Variants in RSU1 observed in about 807,000 individuals in gnomAD.
RSU1 encodes the protein rsu-1.
A neutral mutation model predicts 31.1 loss-of-function variants in RSU1; 26 were observed. The observed-to-expected ratio is 0.84, with a 90% CI of 0.61 to 1.16. The LOEUF (loss-of-function observed/expected upper bound fraction) is 1.16, where lower values mean the gene tolerates loss of function less well. Ranked by LOEUF, RSU1 falls within the 50% of genes most tolerant of loss-of-function variation. The probability of loss-of-function intolerance (pLI) is 0.00; values close to 1 mark genes in which losing one functional copy is unlikely to be tolerated. For missense variants in RSU1, 320 were observed against 339.1 expected (o/e 0.94, Z 0.44); for synonymous variants, 164 against 136.3 (o/e 1.20, Z -1.41).
chr10:16,760,544 G>A (rs942034118), intron 4 of RSU1, among the ~76,000 whole-genome samples: 5 of 150,486 alleles, frequency 3.3e-5, no homozygotes, highest in African/African-American at 7.3e-5. Context: ...AAAAGTGTAC[G>A]ACTCTGTCCT....
chr10:16,808,485 G>GAAAAAAAAAAAAAAAAAA, intron 2 of RSU1, among the ~76,000 whole-genome samples: 1 of 89,616 alleles, frequency 1.1e-5, no homozygotes, highest in Non-Finnish European at 2.3e-5. Context: ...CTCCATTTAA[G>GAAAAAAAAAAAAAAAAAA]AAAAAAAAAA....
chr10:16,696,367 G>C (rs1212271255), intron 7 of RSU1, among the ~76,000 whole-genome samples: 1 of 152,170 alleles, frequency 6.6e-6, no homozygotes, highest in East Asian at 1.9e-4. Context: ...CTTTGGAAAT[G>C]AAAGGATAAA....
At chr10:16,794,664 C>A (rs192303057) in intron 2 of RSU1, among the ~76,000 whole-genome samples, 1 of 152,188 alleles carries the variant, frequency 6.6e-6, no homozygotes, top group Non-Finnish European at 1.5e-5. Context: ...CACGGGCCAG[C>A]AGAATCAGAA....
chr10:16,747,315 C>T (rs1182427561), intron 7 of RSU1, among the ~76,000 whole-genome samples: 1 of 152,178 alleles, frequency 6.6e-6, no homozygotes, highest in African/African-American at 2.4e-5. Flanking sequence ...GCAGCCTAGA[C>T]GTCTCTTCTG....
At chr10:16,716,901 T>A (rs1836153185) in intron 7 of RSU1, among the ~76,000 whole-genome samples, 1 of 152,178 alleles carries the variant, frequency 6.6e-6, no homozygotes, top group Non-Finnish European at 1.5e-5. Context: ...AATCTTAATA[T>A]TCATCTTAAG....
At chr10:16,640,293 AATC>A (rs1834418367) in intron 8 of RSU1, among the ~76,000 whole-genome samples, 1 of 151,928 alleles carries the variant, frequency 6.6e-6, no homozygotes, top group Non-Finnish European at 1.5e-5. Context: ...CCTCTTATCT[AATC>A]ATCACTTAGG....
At chr10:16,744,002 T>C (rs1404943459) in intron 7 of RSU1, among the ~76,000 whole-genome samples, 1 of 151,838 alleles carries the variant, frequency 6.6e-6, no homozygotes, top group Non-Finnish European at 1.5e-5. Flanking sequence ...TGGTGATGCA[T>C]GCCTGTGGTC....
At chr10:16,703,046 G>A (rs1479578751) in intron 7 of RSU1, among the ~76,000 whole-genome samples, 2 of 152,140 alleles carry the variant, frequency 1.3e-5, no homozygotes, top group Admixed American at 6.5e-5. Context: ...TTGTTTAAAA[G>A]TGTGGGGCAC....
At chr10:16,660,840 T>G in intron 8 of RSU1, among the ~76,000 whole-genome samples, 1 of 151,612 alleles carries the variant, frequency 6.6e-6, no homozygotes, top group East Asian at 1.9e-4. Flanking sequence ...AGAGATGGGG[T>G]TTCACCATGT....
At chr10:16,614,200 T>C (rs1289187968) in intron 8 of RSU1, among the ~76,000 whole-genome samples, 1 of 152,198 alleles carries the variant, frequency 6.6e-6, no homozygotes, top group Non-Finnish European at 1.5e-5. Flanking sequence ...TCAAATTAGG[T>C]ATAACATATA....
chr10:16,643,627 T>A (rs1834483049), intron 8 of RSU1, among the ~76,000 whole-genome samples: 2 of 152,206 alleles, frequency 1.3e-5, no homozygotes, highest in South Asian at 2.1e-4. Flanking sequence ...TAGAGTTACC[T>A]ATCTGCCTTT....
chr10:16,671,555 C>A (rs957448639), intron 8 of RSU1, among the ~76,000 whole-genome samples: 2 of 151,980 alleles, frequency 1.3e-5, no homozygotes, highest in Non-Finnish European at 2.9e-5. Context: ...CTCAAGCGAT[C>A]CTCCCACCTC....
At chr10:16,811,587 G>C (rs540590758) in intron 2 of RSU1, among the ~76,000 whole-genome samples, 2 of 152,202 alleles carry the variant, frequency 1.3e-5, no homozygotes, top group Non-Finnish European at 2.9e-5. Flanking sequence ...TCAGAGGACT[G>C]ACAAAAAGTC....
At chr10:16,614,521 TG>T in intron 8 of RSU1, among the ~76,000 whole-genome samples, 1 of 152,316 alleles carries the variant, frequency 6.6e-6, no homozygotes, top group African/African-American at 2.4e-5. Flanking sequence ...ATGGATTGTT[TG>T]TAACAAAGAC....
In RSU1 at chr10:16,608,398, C is replaced by T. The variant is rs541037207; in HGVS notation, c.732-14902G>A. On this transcript the variant is annotated intron_variant, in intron 8 of 8. Transcript: ENST00000345264. ...TATTTTAAAAATCCTTAGGAATCAACGCCAGAAAATACCCAGCTACCTACT... is the reference window on the plus strand; with the variant it reads ...TATTTTAAAAATCCTTAGGAATCAATGCCAGAAAATACCCAGCTACCTACT... 4.8e-4 allele frequency among the ~76,000 whole-genome samples: 73 copies of T among 151,164 alleles called. No individual in the cohort carries two copies. In the South Asian group the frequency reaches 6.9e-3, roughly 14 times the overall value.
At chr10:16,615,828 A>G (rs1050023741) in intron 8 of RSU1, among the ~76,000 whole-genome samples, 16 of 152,256 alleles carry the variant, frequency 1.1e-4, no homozygotes, top group Middle Eastern at 3.2e-3. Context: ...GAAACCAATG[A>G]GAACAAAGAG....
intron 8 of RSU1, among the ~76,000 whole-genome samples, chr10:16,613,133 A>G (rs1290458738): frequency 1.3e-5 from 2 of 152,186 alleles, no homozygotes; most frequent in African/African-American, 2.4e-5. Flanking sequence ...CTTACATTAC[A>G]GTTATTCCCC....
chr10:16,701,366 A>G (rs7093729), intron 7 of RSU1, among the ~76,000 whole-genome samples: 115,667 of 152,120 alleles, frequency 0.76, 44,910 homozygotes, highest in African/African-American at 0.92. Flanking sequence ...CTAGGTCTGA[A>G]GTTGCTTTTC....
intron 7 of RSU1, among the ~76,000 whole-genome samples, chr10:16,705,576 G>T (rs912819394): frequency 3.3e-5 from 5 of 152,006 alleles, no homozygotes; most frequent in African/African-American, 1.2e-4. Flanking sequence ...TGCAACATCT[G>T]CTTCCCAGTT....
Sources: allele counts gnomAD v4.1 joint callset (sites outside exome capture counted in the v4.1 genomes callset), GRCh38; gene constraint gnomAD v4.1.1; transcripts MANE v1.5; gene names NCBI Gene and HGNC (gene_info 2026-07-23, HGNC 2026-07-21).